The following CNTN1 variants were observed in gnomAD, a reference collection of about 807,000 sequenced individuals.
CNTN1 encodes contactin-1.
In CNTN1, 38 loss-of-function variants were observed where a neutral mutation model predicts 126.4. The ratio of observed to expected loss-of-function variants is 0.30; its 90% confidence interval spans 0.23 to 0.39. The LOEUF is 0.39. CNTN1 is among the 10% of genes least tolerant of loss of function. The probability of loss-of-function intolerance (pLI) is 1.00; values close to 1 mark genes in which losing one functional copy is unlikely to be tolerated. For synonymous variants in CNTN1, 413 were observed against 422.6 expected (o/e 0.98, Z 0.28); for missense variants, 1,009 against 1,248.4 (o/e 0.81, Z 2.89).
At chr12:40,996,141 CT>C (rs397849906) in intron 17 of CNTN1, among the ~76,000 whole-genome samples, 2,534 of 143,160 alleles carry the variant, frequency 0.018, 147 homozygotes, top group Admixed American at 0.12. Flanking sequence ...CTGAGCCTCA[CT>C]TTTTTTTTTT....
intron 4 of CNTN1, among the ~76,000 whole-genome samples, chr12:40,920,131 C>A (rs1289893210): frequency 6.6e-6 from 1 of 152,064 alleles, no homozygotes; most frequent in African/African-American, 2.4e-5. Context: ...TTGATAGAAT[C>A]CCAAAAACTC....
chr12:40,889,296 G>T (rs1944160441), intron 1 of CNTN1, among the ~76,000 whole-genome samples: 1 of 152,086 alleles, frequency 6.6e-6, no homozygotes, highest in South Asian at 2.1e-4. Flanking sequence ...TGATTAGAAA[G>T]AAAACAAAAC....
intron 1 of CNTN1, among the ~76,000 whole-genome samples, chr12:40,874,807 A>G (rs1943615514): frequency 6.6e-6 from 1 of 152,210 alleles, no homozygotes; most frequent in African/African-American, 2.4e-5. Flanking sequence ...GATGATAAAA[A>G]TAATATAAAA....
At chr12:40,917,555 G>T (rs1334551882) in intron 3 of CNTN1, among the ~76,000 whole-genome samples, 1 of 152,124 alleles carries the variant, frequency 6.6e-6, no homozygotes, top group Non-Finnish European at 1.5e-5. Context: ...TGTCAGAGAA[G>T]ACAAAATATT....
intron 1 of CNTN1, among the ~76,000 whole-genome samples, chr12:40,785,392 G>A (rs909147352): frequency 3.9e-5 from 6 of 152,126 alleles, no homozygotes; most frequent in Non-Finnish European, 2.9e-5. Context: ...GGGTGAGAGA[G>A]AAGGGGGAGG....
At chr12:40,703,866 A>G (rs1941664936) in intron 1 of CNTN1, among the ~76,000 whole-genome samples, 1 of 152,188 alleles carries the variant, frequency 6.6e-6, no homozygotes, top group South Asian at 2.1e-4. Context: ...CTAGAGATAC[A>G]GTAATGATTA....
intron 20 of CNTN1, among the ~76,000 whole-genome samples, chr12:41,022,555 C>A (rs556709854): frequency 6.6e-6 from 1 of 152,056 alleles, no homozygotes; most frequent in East Asian, 1.9e-4. Context: ...AAGAATTTTC[C>A]CTGTTTATGT....
chr12:41,055,184 T>A (rs1296920159), intron 23 of CNTN1, among the ~76,000 whole-genome samples: 1 of 152,164 alleles, frequency 6.6e-6, no homozygotes, highest in African/African-American at 2.4e-5. Flanking sequence ...ATTAATGAAA[T>A]GGAAATTAAT....
chr12:41,050,414 C>T (rs1452862520), intron 23 of CNTN1, among the ~76,000 whole-genome samples: 1 of 152,092 alleles, frequency 6.6e-6, no homozygotes, highest in Non-Finnish European at 1.5e-5. Flanking sequence ...AAAGGGGAAG[C>T]AAGCACATTT....
At chr12:40,735,958 A>G (rs1937657888) in intron 1 of CNTN1, among the ~76,000 whole-genome samples, 1 of 152,080 alleles carries the variant, frequency 6.6e-6, no homozygotes, top group Non-Finnish European at 1.5e-5. Context: ...ATTGCTTGCC[A>G]TCTTTGCTGG....
intron 1 of CNTN1, among the ~76,000 whole-genome samples, chr12:40,781,676 G>A (rs1256366650): frequency 6.6e-6 from 1 of 151,946 alleles, no homozygotes; most frequent in African/African-American, 2.4e-5. Context: ...TCACCAAGGT[G>A]AAGAACTGGA....
At chr12:40,815,744 G>A (rs535720990) in intron 1 of CNTN1, among the ~76,000 whole-genome samples, 1 of 152,224 alleles carries the variant, frequency 6.6e-6, no homozygotes, top group East Asian at 1.9e-4. Context: ...CAAAGGGAAT[G>A]CTTCCAGCTT....
At position 40,704,484 on chromosome 12, in the gene CNTN1, A is replaced by T. The variant is rs143691776; in HGVS notation, c.-77+11892A>T. On this transcript the variant is annotated intron_variant, in intron 1 of 23. Coordinates refer to ENST00000551295, the MANE Select transcript of CNTN1 (RefSeq NM_001843.4). ...CATAGAGTCATATTTTTTCATCTTC[A>T]TCTTTTTCACAGCTTCTTTGATTTC... 1.0e-3 allele frequency among the ~76,000 whole-genome samples: 155 copies of T among 152,234 alleles called. 1 individual carries two copies. Among genetic ancestry groups the T allele is most frequent in the Admixed American group, 1.8e-3 (28 of 15,288 alleles).
rs1949011448 is a variant in CNTN1 at position 41,025,149 on chromosome 12, G to A, written c.2524-1G>A. 6.2e-7 allele frequency: 1 copy of A among 1,613,648 alleles called. No individual in the cohort carries two copies. Among genetic ancestry groups the A allele is most frequent in the African/African-American group, 1.3e-5 (1 of 74,868 alleles). Reference sequence around the variant, plus strand: ...ATATAACTCATCCTGAATGTTTGCAGATTCGGTATTGGGCTGCCCATGACA... The same window carrying A: ...ATATAACTCATCCTGAATGTTTGCAAATTCGGTATTGGGCTGCCCATGACA... On this transcript the variant is annotated splice_acceptor_variant, in intron 20 of 23. Coordinates refer to ENST00000551295, the MANE Select transcript of CNTN1 (RefSeq NM_001843.4). LOFTEE classifies it high-confidence loss of function.
chr12:40,724,564 A>G (rs1170203735), intron 1 of CNTN1, among the ~76,000 whole-genome samples: 1 of 152,218 alleles, frequency 6.6e-6, no homozygotes, highest in Non-Finnish European at 1.5e-5. Flanking sequence ...ATATTTTGAA[A>G]TAGATACATA....
At chr12:41,017,086 TA>T (rs1948798391) in intron 19 of CNTN1, among the ~76,000 whole-genome samples, 170 bp downstream of exon 19, 1 of 152,222 alleles carries the variant, frequency 6.6e-6, no homozygotes, top group Non-Finnish European at 1.5e-5. Flanking sequence ...CCTCTTCATC[TA>T]AATGATGAGA....
intron 14 of CNTN1, among the ~76,000 whole-genome samples, chr12:40,958,133 T>C (rs1342418503): frequency 6.6e-6 from 1 of 152,078 alleles, no homozygotes; most frequent in Non-Finnish European, 1.5e-5. Flanking sequence ...ATAATTAACA[T>C]GAACTTTGAC....
intron 1 of CNTN1, among the ~76,000 whole-genome samples, chr12:40,888,703 C>T (rs12581462): frequency 0.099 from 15,144 of 152,226 alleles, 871 homozygotes; most frequent in Non-Finnish European, 0.13. Context: ...GGAAAGATAG[C>T]TGATTGGTAG....
intron 16 of CNTN1, among the ~76,000 whole-genome samples, chr12:40,982,595 A>C (rs1167014296): frequency 1.3e-5 from 2 of 152,162 alleles, no homozygotes; most frequent in Non-Finnish European, 2.9e-5. Context: ...CACCTATATC[A>C]GGGCCCACAG....
Sources: allele counts gnomAD v4.1 joint callset (sites outside exome capture counted in the v4.1 genomes callset), GRCh38; gene constraint gnomAD v4.1.1; transcripts MANE v1.5; gene names NCBI Gene and HGNC (gene_info 2026-07-23, HGNC 2026-07-21).